VRK1: variants seen among roughly 807,000 people sequenced by gnomAD.
VRK1 encodes serine/threonine-protein kinase VRK1.
In VRK1, 33 loss-of-function variants were observed where a neutral mutation model predicts 57.1. The ratio of observed to expected loss-of-function variants is 0.58; its 90% CI spans 0.44 to 0.77. The LOEUF is 0.77. VRK1 is among the 30% of genes least tolerant of loss of function. The probability of loss-of-function intolerance (pLI) is 0.00; values close to 1 mark genes in which losing one functional copy is unlikely to be tolerated. For synonymous variants in VRK1, 137 were observed against 147.8 expected, an observed-to-expected ratio of 0.93 and a Z score of 0.53; for missense variants, 413 against 477.3, an observed-to-expected ratio of 0.87 and a Z score of 1.25.
At chr14:96,875,967 A>G in intron 11 of VRK1, 63 bp from the exon 12 acceptor site, 4 of 1,534,774 alleles carry the variant, frequency 2.6e-6, no homozygotes, top group Non-Finnish European at 3.6e-6. Context: ...CAAATATGTG[A>G]TGAGTTTGTA....
Position 96,876,088 on chromosome 14 carries a change from C to T in VRK1, c.1127C>T (p.Ser376Leu), listed in dbSNP as rs746717083. The T allele has an allele frequency of 1.9e-6, 3 of 1,613,436 alleles. No homozygotes were observed. Among genetic ancestry groups the T allele is most frequent in the East Asian group, 2.2e-5 (1 of 44,868 alleles). ...KEPGVEDTEWSNTQTEEAIQT... is the reference protein window; with the variant it reads ...KEPGVEDTEWLNTQTEEAIQT... ...CCTGGTGTTGAAGATACGGAATGGT[C>T]AAACACACAGACAGAGGAGGCCATA... Residue 376 changes from serine to leucine, a missense_variant, in exon 12 of 13, where the codon TCA becomes TTA. Ser to Leu is a moderately radical substitution (Grantham distance 145). This residue lies in a region of VRK1 where 146 missense variants were observed against 138.2 expected (regional missense o/e 1.06). Coordinates refer to ENST00000216639, the MANE Select transcript of VRK1 (RefSeq NM_003384.3).
intron 1 of VRK1, among the ~76,000 whole-genome samples, chr14:96,800,085 G>C (rs1171558497): frequency 1.3e-5 from 2 of 151,994 alleles, no homozygotes; most frequent in Admixed American, 6.6e-5. Context: ...TAATTTAAAA[G>C]GGTGATAGAA....
chr14:96,838,776 C>T (rs1887327276), intron 3 of VRK1, among the ~76,000 whole-genome samples: 1 of 152,174 alleles, frequency 6.6e-6, no homozygotes, highest in Non-Finnish European at 1.5e-5. Flanking sequence ...ATTACAATTA[C>T]TCTGAAGGTT....
At chr14:96,831,823 A>T (rs917861283) in intron 1 of VRK1, among the ~76,000 whole-genome samples, 2 of 152,196 alleles carry the variant, frequency 1.3e-5, no homozygotes, top group Admixed American at 6.5e-5. Flanking sequence ...GTTGAAATTC[A>T]GAAGGGCATC....
chr14:96,841,105 C>A (rs1191922746), intron 3 of VRK1, among the ~76,000 whole-genome samples: 1 of 151,904 alleles, frequency 6.6e-6, no homozygotes, highest in Admixed American at 6.6e-5. Context: ...TGATCCTTCC[C>A]TCTCAGCCTC....
chr14:96,799,282 G>A (rs913361579), intron 1 of VRK1, among the ~76,000 whole-genome samples: 4 of 152,014 alleles, frequency 2.6e-5, no homozygotes, highest in East Asian at 1.9e-4. Flanking sequence ...CATTCAAAAT[G>A]TTGACAGACC....
chr14:96,849,746 T>C (rs1295391553), intron 5 of VRK1, among the ~76,000 whole-genome samples: 1 of 152,250 alleles, frequency 6.6e-6, no homozygotes, highest in Non-Finnish European at 1.5e-5. Context: ...CTATGATTTT[T>C]GTTTGTCAGT....
chr14:96,821,237 G>A (rs76848197), intron 1 of VRK1, among the ~76,000 whole-genome samples: 12,633 of 152,068 alleles, frequency 0.083, 689 homozygotes, highest in Non-Finnish European at 0.13. Flanking sequence ...TATTTTGGAG[G>A]TATTTTATAA....
chr14:96,828,963 C>T (rs1312594397), intron 1 of VRK1, among the ~76,000 whole-genome samples: 1 of 152,088 alleles, frequency 6.6e-6, no homozygotes, highest in African/African-American at 2.4e-5. Flanking sequence ...GAGGGAGTTT[C>T]ATTTAGATAC....
intron 5 of VRK1, among the ~76,000 whole-genome samples, chr14:96,850,593 A>G (rs1887909186): frequency 6.6e-6 from 1 of 152,232 alleles, no homozygotes; most frequent in African/African-American, 2.4e-5. Context: ...TGATTTGTGA[A>G]TAAAAACAAA....
At chr14:96,856,805 A>AT (rs1326817260) in intron 10 of VRK1, among the ~76,000 whole-genome samples, 1 of 152,098 alleles carries the variant, frequency 6.6e-6, no homozygotes, top group Non-Finnish European at 1.5e-5. Context: ...CATCTCTACT[A>AT]AAAGTACAAA....
At chr14:96,802,244 C>T (rs984720437) in intron 1 of VRK1, among the ~76,000 whole-genome samples, 3 of 152,104 alleles carry the variant, frequency 2.0e-5, no homozygotes, top group Non-Finnish European at 4.4e-5. Context: ...CACAATCCAG[C>T]GATTGCACTC....
chr14:96,813,993 G>T (rs1886301672), intron 1 of VRK1, among the ~76,000 whole-genome samples: 1 of 152,026 alleles, frequency 6.6e-6, no homozygotes, highest in African/African-American at 2.4e-5. Flanking sequence ...ATGTGTTTAA[G>T]TTACCCAGCA....
At chr14:96,865,785 G>T in intron 11 of VRK1, among the ~76,000 whole-genome samples, 1 of 149,688 alleles carries the variant, frequency 6.7e-6, no homozygotes, top group Admixed American at 6.6e-5. Flanking sequence ...GATTATCTGT[G>T]ATTATACAAA....
intron 6 of VRK1, 56 bp from the exon 7 acceptor site, chr14:96,853,018 C>T: frequency 6.2e-7 from 1 of 1,605,320 alleles, no homozygotes; most frequent in East Asian, 2.2e-5. Context: ...AAGCTTGGTC[C>T]TCTGCTGGCT....
At chr14:96,829,089 A>G (rs781339950) in intron 1 of VRK1, among the ~76,000 whole-genome samples, 2 of 152,244 alleles carry the variant, frequency 1.3e-5, no homozygotes, top group Non-Finnish European at 2.9e-5. Flanking sequence ...TATACAACAT[A>G]TAAGATGTGC....
chr14:96,856,284 C>A, intron 9 of VRK1, 34 bp downstream of exon 9: 1 of 1,606,354 alleles, frequency 6.2e-7, no homozygotes, highest in Non-Finnish European at 8.5e-7. Flanking sequence ...CTAGCAAAAT[C>A]ATGATAAGCC....
At chr14:96,857,830 A>G (rs774857021) in intron 10 of VRK1, among the ~76,000 whole-genome samples, 1 of 152,188 alleles carries the variant, frequency 6.6e-6, no homozygotes, top group Non-Finnish European at 1.5e-5. Context: ...GAATTATCCC[A>G]TGGACCTCAT....
chr14:96,863,972 G>T (rs533899339), intron 11 of VRK1, among the ~76,000 whole-genome samples: 86 of 152,212 alleles, frequency 5.7e-4, no homozygotes, highest in African/African-American at 1.9e-3. Context: ...AGTTTCAGTC[G>T]GGTTGCCCTG....
Sources: allele counts gnomAD v4.1 joint callset (sites outside exome capture counted in the v4.1 genomes callset), GRCh38; gene constraint gnomAD v4.1.1; regional missense constraint gnomAD v4.1.1; transcripts MANE v1.5; gene names NCBI Gene and HGNC (gene_info 2026-07-23, HGNC 2026-07-21).